Variants in XKR4 observed in about 807,000 individuals in gnomAD.
The protein encoded by XKR4 is XK related 4.
In XKR4, 12 loss-of-function variants were observed where a neutral mutation model predicts 53.9. The observed-to-expected ratio is 0.22, with a 90% CI of 0.14 to 0.36. The LOEUF is 0.36. XKR4 is among the 10% of genes least tolerant of loss of function. The pLI is 1.00. For missense variants in XKR4, 799 were observed against 859.5 expected (o/e 0.93, Z 0.88); for synonymous variants, 354 against 362.4 (o/e 0.98, Z 0.26).
chr8:55,503,176 C>T (rs1201474421), intron 2 of XKR4, among the ~76,000 whole-genome samples: 1 of 151,718 alleles, frequency 6.6e-6, no homozygotes, highest in Non-Finnish European at 1.5e-5. Flanking sequence ...TTTTCTGGGA[C>T]CTCTGTGATT....
At chr8:55,422,031 A>G (rs1415463777) in intron 2 of XKR4, among the ~76,000 whole-genome samples, 1 of 152,228 alleles carries the variant, frequency 6.6e-6, no homozygotes, top group African/African-American at 2.4e-5. Flanking sequence ...TAAGGCATAA[A>G]ACAAAAGAAT....
chr8:55,339,508 C>T (rs1803510446), intron 1 of XKR4, among the ~76,000 whole-genome samples: 1 of 152,234 alleles, frequency 6.6e-6, no homozygotes, highest in Admixed American at 6.5e-5. Flanking sequence ...CCCACATACA[C>T]AGTCATGCCT....
Position 55,531,405 on chromosome 8 carries a change from A to G in XKR4, c.*7178A>G, listed in dbSNP as rs1461685551. The stretch of plus-strand genomic sequence containing the variant: ...CTTATGGGATCGCTGTCATATGTGC[A>G]GTCTATTATTGACCAAAATGCCATT... On this transcript the variant is annotated 3_prime_UTR_variant, in exon 3 of 3. Coordinates refer to ENST00000327381, the MANE Select transcript of XKR4 (RefSeq NM_052898.2). 6.6e-6 allele frequency: 1 copy of G among 152,212 alleles called. No homozygotes were observed. The highest frequency in any genetic ancestry group is 1.5e-5 in the Non-Finnish European group (1 of 68,036). The allele number at this position is 152,212 out of a possible 1,614,324, so 9.4% of individuals were successfully genotyped here.
intron 2 of XKR4, among the ~76,000 whole-genome samples, chr8:55,484,835 TCCTGTCTTCAGACTTGGA>T (rs1273870895): frequency 6.6e-6 from 1 of 152,236 alleles, no homozygotes; most frequent in Non-Finnish European, 1.5e-5. Context: ...ATTGATCTTC[TCCTGTCTTCAGACTTGGA>T]CTTGGACTGG....
At chr8:55,126,215 G>T (rs1255109262) in intron 1 of XKR4, among the ~76,000 whole-genome samples, 9 of 152,172 alleles carry the variant, frequency 5.9e-5, no homozygotes, top group Admixed American at 2.6e-4. Flanking sequence ...AACTTGTATT[G>T]GTGGTAACTT....
chr8:55,267,228 A>G (rs183303368), intron 1 of XKR4, among the ~76,000 whole-genome samples: 44 of 152,300 alleles, frequency 2.9e-4, no homozygotes, highest in Non-Finnish European at 4.6e-4. Flanking sequence ...ACTAGAGAAA[A>G]AAAAACCTAT....
chr8:55,238,178 A>C (rs1435159815), intron 1 of XKR4, among the ~76,000 whole-genome samples: 1 of 152,180 alleles, frequency 6.6e-6, no homozygotes, highest in Non-Finnish European at 1.5e-5. Flanking sequence ...ACAATCCAAA[A>C]GTAGATAGGC....
Position 55,357,567 on chromosome 8 carries a change from G to A in XKR4, c.807-111G>A. 4.5e-6 allele frequency: 5 copies of A among 1,118,016 alleles called. No homozygotes were observed. The South Asian group carries it at 7.4e-5, about 17-fold the overall frequency. 69.3% of individuals were successfully genotyped at this position (1,118,016 alleles called of 1,614,324 possible). A position where few individuals can be genotyped will look rare whatever the true frequency, so the allele number is the denominator to read the frequency against. On this transcript the variant is annotated intron_variant, in intron 1 of 2. Transcript: ENST00000327381. Reference sequence around the variant, plus strand: ...TAACTCATAAGCCCCCGAGGTAATTGTTTCTTGTGCTTGCTTGCATATGGT... The same window carrying A: ...TAACTCATAAGCCCCCGAGGTAATTATTTCTTGTGCTTGCTTGCATATGGT...
chr8:55,364,920 C>T (rs1803954402), intron 2 of XKR4, among the ~76,000 whole-genome samples: 1 of 152,198 alleles, frequency 6.6e-6, no homozygotes, highest in African/African-American at 2.4e-5. Flanking sequence ...GCCACCACAC[C>T]CGACCAATTT....
At chr8:55,131,755 T>TC (rs1237724744) in intron 1 of XKR4, among the ~76,000 whole-genome samples, 3 of 151,110 alleles carry the variant, frequency 2.0e-5, no homozygotes, top group Non-Finnish European at 3.0e-5. Context: ...TTTCTTTTCT[T>TC]TTTTTTTTGA....
At position 55,288,046 on chromosome 8, in the gene XKR4, T is replaced by C. The variant is rs187613455; in HGVS notation, c.807-69632T>C. ...TAAAACATTATTTTTTGTGTGATTT[T>C]TTTGTTTTTGTTAGCTCATCAGCTA... is the stretch of plus-strand genomic sequence containing the variant. On this transcript the variant is annotated intron_variant, in intron 1 of 2. Coordinates refer to ENST00000327381, the MANE Select transcript of XKR4 (RefSeq NM_052898.2). Among the ~76,000 whole-genome samples the C allele has an allele frequency of 4.2e-3, 637 of 152,314 alleles. 3 individuals carry two copies. Among genetic ancestry groups the C allele is most frequent in the Admixed American group, 0.01 (155 of 15,304 alleles).
chr8:55,172,871 C>T (rs976928502), intron 1 of XKR4, among the ~76,000 whole-genome samples: 3 of 152,178 alleles, frequency 2.0e-5, no homozygotes, highest in Non-Finnish European at 4.4e-5. Flanking sequence ...GAGAGCTAGA[C>T]GTATGACCCC....
At chr8:55,273,296 C>T (rs960624302) in intron 1 of XKR4, among the ~76,000 whole-genome samples, 9 of 152,140 alleles carry the variant, frequency 5.9e-5, no homozygotes, top group African/African-American at 1.4e-4. Flanking sequence ...TCTAACTTAA[C>T]TGACTCCATC....
At chr8:55,466,316 T>G (rs564422487) in intron 2 of XKR4, among the ~76,000 whole-genome samples, 1 of 152,056 alleles carries the variant, frequency 6.6e-6, no homozygotes, top group Non-Finnish European at 1.5e-5. Context: ...TAAAAAATGA[T>G]GAGTTCATGT....
intron 2 of XKR4, among the ~76,000 whole-genome samples, chr8:55,385,253 G>A (rs2129387956): frequency 6.6e-6 from 1 of 152,154 alleles, no homozygotes; most frequent in Middle Eastern, 3.4e-3. Flanking sequence ...CACCCCACTT[G>A]ACAAATACCA....
chr8:55,460,026 C>CAAAAAA (rs1563356639), intron 2 of XKR4, among the ~76,000 whole-genome samples: 3 of 101,148 alleles, frequency 3.0e-5, no homozygotes, highest in Non-Finnish European at 4.5e-5. Context: ...AAAAAAAAAC[C>CAAAAAA]AAATGTCCAT....
intron 1 of XKR4, among the ~76,000 whole-genome samples, chr8:55,303,471 G>A (rs2129377190): frequency 6.6e-6 from 1 of 152,202 alleles, no homozygotes; most frequent in South Asian, 2.1e-4. Context: ...TTTTGGTTGT[G>A]TCTCTGCCAG....
chr8:55,389,808 C>G (rs186018189), intron 2 of XKR4, among the ~76,000 whole-genome samples: 2 of 152,298 alleles, frequency 1.3e-5, no homozygotes, highest in East Asian at 3.9e-4. Flanking sequence ...AACACACTCC[C>G]TTCTCTGCTT....
At chr8:55,103,782 C>A (rs1466899130) in intron 1 of XKR4, among the ~76,000 whole-genome samples, 1 of 149,174 alleles carries the variant, frequency 6.7e-6, no homozygotes, top group African/African-American at 2.5e-5. Flanking sequence ...CAAAAGTACC[C>A]ACATATTAAT....
Sources: allele counts gnomAD v4.1 joint callset (sites outside exome capture counted in the v4.1 genomes callset), GRCh38; gene constraint gnomAD v4.1.1; transcripts MANE v1.5; gene names NCBI Gene and HGNC (gene_info 2026-07-23, HGNC 2026-07-21).